Variants in DNAAF11 observed in about 807,000 individuals in gnomAD.
DNAAF11 encodes the protein dynein axonemal assembly factor 11.
In DNAAF11, 45 loss-of-function variants were observed where a neutral mutation model predicts 60.8. The observed-to-expected ratio is 0.74, with a 90% CI of 0.58 to 0.95. The LOEUF (loss-of-function observed/expected upper bound fraction) is 0.95. Ranked by LOEUF, DNAAF11 falls within the 40% of genes least tolerant of loss-of-function variation. The probability of loss-of-function intolerance (pLI) is 0.00; values close to 1 mark genes in which losing one functional copy is unlikely to be tolerated. For missense variants in DNAAF11, 546 were observed against 546.2 expected (o/e 1.00, Z 0.00); for synonymous variants, 191 against 183.5 (o/e 1.04, Z -0.33).
chr8:132,665,451 T>C (rs1267114153), intron 1 of DNAAF11, among the ~76,000 whole-genome samples: 2 of 151,910 alleles, frequency 1.3e-5, no homozygotes, highest in South Asian at 2.1e-4. Context: ...GATTTAAAAA[T>C]GCTTTGGGAA....
At chr8:132,583,926 T>C in intron 10 of DNAAF11, 147 bp from the exon 11 acceptor site, 1 of 625,076 alleles carries the variant, frequency 1.6e-6, no homozygotes, top group Non-Finnish European at 2.8e-6. Context: ...GAAGCCCCTA[T>C]ATGCAGTGTA....
intron 11 of DNAAF11, among the ~76,000 whole-genome samples, chr8:132,576,084 T>C (rs1475034251): frequency 6.6e-6 from 1 of 152,238 alleles, no homozygotes; most frequent in Non-Finnish European, 1.5e-5. Context: ...AGTTAGAGAC[T>C]GATTTCTTTT....
intron 5 of DNAAF11, among the ~76,000 whole-genome samples, chr8:132,628,238 C>A (rs368191618): frequency 1.3e-5 from 2 of 152,174 alleles, no homozygotes; most frequent in African/African-American, 2.4e-5. Flanking sequence ...ATGGTGAAAC[C>A]CCATCTCCAC....
chr8:132,670,884 C>A (rs1207408909), intron 1 of DNAAF11, among the ~76,000 whole-genome samples: 1 of 152,126 alleles, frequency 6.6e-6, no homozygotes, highest in African/African-American at 2.4e-5. Context: ...CAGCAGTTGA[C>A]AAAATCCACC....
At chr8:132,611,252 C>T in intron 9 of DNAAF11, 42 bp downstream of exon 9, 1 of 1,383,704 alleles carries the variant, frequency 7.2e-7, no homozygotes, top group African/African-American at 1.4e-5. Context: ...TAGTTCAAAG[C>T]TTAGCTTTTG....
intron 6 of DNAAF11, among the ~76,000 whole-genome samples, chr8:132,624,654 A>G (rs1210605865): frequency 6.6e-6 from 1 of 152,198 alleles, no homozygotes; most frequent in African/African-American, 2.4e-5. Flanking sequence ...AAGCTCATGA[A>G]TAATAAGTAT....
chr8:132,642,351 T>C (rs1821939877), intron 3 of DNAAF11, among the ~76,000 whole-genome samples: 1 of 152,254 alleles, frequency 6.6e-6, no homozygotes, highest in Non-Finnish European at 1.5e-5. Context: ...CACTTGGCTC[T>C]GAGATGCCCA....
chr8:132,660,094 C>T (rs549617943), intron 2 of DNAAF11, among the ~76,000 whole-genome samples: 11 of 152,326 alleles, frequency 7.2e-5, no homozygotes, highest in Non-Finnish European at 7.3e-5. Flanking sequence ...CTGACTCCAT[C>T]CCTTTTCCTC....
intron 3 of DNAAF11, among the ~76,000 whole-genome samples, chr8:132,650,374 G>A (rs917855224): frequency 1.3e-5 from 2 of 152,064 alleles, no homozygotes; most frequent in African/African-American, 4.8e-5. Context: ...GTCATGAGGT[G>A]GGGGGAGGGC....
At chr8:132,649,941 A>G (rs867712540) in intron 3 of DNAAF11, among the ~76,000 whole-genome samples, 1 of 152,254 alleles carries the variant, frequency 6.6e-6, no homozygotes, top group African/African-American at 2.4e-5. Flanking sequence ...TAGTTCAACC[A>G]TTGTGGAAGA....
At chr8:132,601,197 T>G (rs77297991) in intron 10 of DNAAF11, among the ~76,000 whole-genome samples, 24,379 of 152,058 alleles carry the variant, frequency 0.16, 3,004 homozygotes, top group African/African-American at 0.34. Flanking sequence ...GGCCATCAGA[T>G]AAATGCAAAT....
intron 1 of DNAAF11, 124 bp downstream of exon 1, chr8:132,675,360 A>G (rs574872092): frequency 1.0e-4 from 112 of 1,071,400 alleles, no homozygotes; most frequent in Middle Eastern, 8.7e-4. Flanking sequence ...GGGTGGGGTT[A>G]GGGTCCGCCC....
At chr8:132,685,130 A>G in the DNAAF11 span, 3 of 152,240 alleles carry the variant, frequency 2.0e-5, no homozygotes. Context: ...ACAGAAAAAA[A>G]CTAAGAAACA....
At chr8:132,591,761 T>C (rs1306713476) in intron 10 of DNAAF11, among the ~76,000 whole-genome samples, 2 of 152,064 alleles carry the variant, frequency 1.3e-5, no homozygotes, top group African/African-American at 4.8e-5. Context: ...AATAAATACA[T>C]AGATGAAATG....
chr8:132,683,966 A>G, the DNAAF11 span, among the ~76,000 whole-genome samples: 1 of 152,230 alleles, frequency 6.6e-6, no homozygotes, highest in Non-Finnish European at 1.5e-5. Flanking sequence ...TAGTGGAGTC[A>G]TCCCCATGGC....
At chr8:132,674,077 A>C (rs557152500) in intron 1 of DNAAF11, among the ~76,000 whole-genome samples, 76 of 149,822 alleles carry the variant, frequency 5.1e-4, no homozygotes, top group Admixed American at 2.6e-3. Context: ...CAGGAGGAGG[A>C]GGAGCAGGAG....
chr8:132,688,016 T>C, the DNAAF11 span, among the ~76,000 whole-genome samples: 8 of 152,212 alleles, frequency 5.3e-5, no homozygotes, highest in Non-Finnish European at 1.0e-4. Context: ...TCTACTCCAT[T>C]ACCACTCATA....
chr8:132,681,225 G>T, the DNAAF11 span, among the ~76,000 whole-genome samples: 921 of 150,654 alleles, frequency 6.1e-3, 15 homozygotes, highest in African/African-American at 0.022. Flanking sequence ...GGTTAGGCTG[G>T]TCTTGAACTC....
At chr8:132,690,291 C>T in the DNAAF11 span, among the ~76,000 whole-genome samples, 5 of 152,020 alleles carry the variant, frequency 3.3e-5, no homozygotes, top group Admixed American at 6.6e-5. Flanking sequence ...GGGCAGTTTC[C>T]CCCATGCTGT....
Sources: allele counts gnomAD v4.1 joint callset (sites outside exome capture counted in the v4.1 genomes callset), GRCh38; gene constraint gnomAD v4.1.1; transcripts MANE v1.5; gene names NCBI Gene and HGNC (gene_info 2026-07-23, HGNC 2026-07-21).